The following MYT1 variants were observed in gnomAD, a reference collection of about 807,000 sequenced individuals.
MYT1 encodes the protein myelin transcription factor 1, also known as myelin transcription factor I.
Under a neutral mutation model 123.0 loss-of-function variants are expected in MYT1, and 23 were observed. The observed-to-expected ratio is 0.19, with a 90% CI of 0.13 to 0.26. The LOEUF is 0.26. Ranked by LOEUF, MYT1 falls within the 10% of genes least tolerant of loss-of-function variation. The pLI is 1.00. For synonymous variants in MYT1, 518 were observed against 575.3 expected, an observed-to-expected ratio of 0.90 and a Z score of 1.43; for missense variants, 1,125 against 1,472.5, an observed-to-expected ratio of 0.76 and a Z score of 3.86.
At position 64,218,342 on chromosome 20, in the gene MYT1, G is replaced by C. The variant is rs1983900860; in HGVS notation, c.1847-569G>C. 6.6e-6 allele frequency among the ~76,000 whole-genome samples: 1 copy of C among 152,214 alleles called. No individual in the cohort carries two copies. The highest frequency in any genetic ancestry group is 1.5e-5 in the Non-Finnish European group (1 of 68,040). ...CAATTGCTAGAAAAGATAACATTCT[G>C]TGCCTTCATTTGTCATGTTCATTTG... On this transcript the variant is annotated intron_variant, in intron 11 of 22. Transcript: ENST00000328439. This position sits in a 1 kb window ranked among gnomAD's most constrained non-coding sequence, Gnocchi z 4.0.
chr20:64,235,821 CACTGGGCTGGCT>C (rs1174461545), intron 19 of MYT1, among the ~76,000 whole-genome samples: 6,191 of 120,174 alleles, frequency 0.052, 1,023 homozygotes, highest in African/African-American at 0.12. Context: ...TGGTGGGTGA[CACTGGGCTGGCT>C]GTGGTGGGTG....
In MYT1 at chr20:64,164,510, G is replaced by A. The variant is rs935123830; in HGVS notation, c.-328G>A. ...CGTGCCACCGCTGCTAATGAGAGCA[G>A]TCATTAAGTAAATGAGACGTCGCCT... On this transcript the variant is annotated 5_prime_UTR_variant, in exon 1 of 23. Transcript: ENST00000328439. The A allele has an allele frequency of 2.0e-5, 3 of 152,202 alleles. No homozygotes were observed. The highest frequency in any genetic ancestry group is 4.4e-5 in the Non-Finnish European group (3 of 68,046). The allele number at this position is 152,202 out of a possible 1,614,324, so 9.4% of individuals were successfully genotyped here. A position where few individuals can be genotyped will look rare whatever the true frequency, so the allele number is the denominator to read the frequency against.
intron 1 of MYT1, among the ~76,000 whole-genome samples, chr20:64,178,944 A>G (rs80178291): frequency 1.8e-4 from 19 of 107,976 alleles, no homozygotes; most frequent in East Asian, 3.4e-4. Flanking sequence ...TCAGTGGGAT[A>G]CCCTTCAACG....
chr20:64,218,784 C>T lies in MYT1; in HGVS notation c.1847-127C>T. ...CCCACTGACTTGTCTGCATTGCTGC[C>T]TCTTTTCAAGTTGTATATCAGCCTG... On this transcript the variant is annotated intron_variant, in intron 11 of 22. Transcript: ENST00000328439. This position sits in a 1 kb window ranked among gnomAD's most constrained non-coding sequence, Gnocchi z 4.0. The T allele has an allele frequency of 7.7e-7, 1 of 1,302,060 alleles. No individual in the cohort carries two copies. Among genetic ancestry groups the T allele is most frequent in the Non-Finnish European group, 1.1e-6 (1 of 912,690 alleles). The allele number at this position is 1,302,060 out of a possible 1,614,324, so 80.7% of individuals were successfully genotyped here.
rs923463464 is a variant in MYT1 at position 64,185,941 on chromosome 20, T to C, written c.-98-4122T>C. Among the ~76,000 whole-genome samples the C allele has an allele frequency of 5.3e-5, 8 of 152,154 alleles. No homozygotes were observed. Among genetic ancestry groups the C allele is most frequent in the African/African-American group, 1.9e-4 (8 of 41,428 alleles). ...CAGTGGAAGCGTCCTGTCTGGGGCC[T>C]GGGTCAGGCTGGTCTCCAGTTTGCA... On this transcript the variant is annotated intron_variant, in intron 1 of 22. Coordinates refer to ENST00000328439, the MANE Select transcript of MYT1 (RefSeq NM_004535.3). This position sits in a 1 kb window ranked among gnomAD's most constrained non-coding sequence, Gnocchi z 4.5.
Position 64,203,230 on chromosome 20 carries a change from C to T in MYT1, c.87-1805C>T, listed in dbSNP as rs957326738. Among the ~76,000 whole-genome samples the T allele has an allele frequency of 6.6e-5, 10 of 152,334 alleles. 1 individual carries two copies. The highest frequency in any genetic ancestry group is 6.5e-4 in the Admixed American group (10 of 15,302). On this transcript the variant is annotated intron_variant, in intron 4 of 22. Transcript: ENST00000328439. The surrounding 1 kb of genome is among the most constrained non-coding windows in gnomAD (Gnocchi z 5.1). ...CTGAGGGTGACGTGTTCAGGGCAGT[C>T]CGGTCCCCACAGGCCTCCACAGCAG...
Position 64,231,043 on chromosome 20 carries a change from C to T in MYT1, c.2676-1121C>T, listed in dbSNP as rs1036651523. Among the ~76,000 whole-genome samples the T allele has an allele frequency of 6.6e-6, 1 of 152,112 alleles. No homozygotes were observed. Among genetic ancestry groups the T allele is most frequent in the East Asian group, 1.9e-4 (1 of 5,160 alleles). ...TACGGCGGGAGCCTCTGCCCCCGCC[C>T]CCGCCCCCTGCTACCGTCCTCCCGA... On this transcript the variant is annotated intron_variant, in intron 18 of 22. Transcript: ENST00000328439. This position sits in a 1 kb window ranked among gnomAD's most constrained non-coding sequence, Gnocchi z 6.4.
At chr20:64,237,843 A>G (rs1460905298) in intron 21 of MYT1, among the ~76,000 whole-genome samples, 1 of 152,148 alleles carries the variant, frequency 6.6e-6, no homozygotes, top group East Asian at 1.9e-4. Flanking sequence ...CAGCACAGCC[A>G]CATGTTTGTC....
At chr20:64,187,181 C>A (rs1201287054) in intron 1 of MYT1, among the ~76,000 whole-genome samples, 3 of 147,488 alleles carry the variant, frequency 2.0e-5, no homozygotes, top group African/African-American at 7.6e-5. Context: ...ATGGCCCCGG[C>A]ATCCACGTTT....
intron 1 of MYT1, among the ~76,000 whole-genome samples, chr20:64,177,660 A>ATGAGGGCACCCCTCTCCGGGGGCG (rs1982508276): frequency 1.5e-5 from 2 of 132,038 alleles, no homozygotes; most frequent in Admixed American, 8.4e-5. Context: ...TCTCCAGGGC[A>ATGAGGGCACCCCTCTCCGGGGGCG]GGGACAAGAG....
At chr20:64,227,598 C>A in intron 17 of MYT1, 121 bp downstream of exon 17, 1 of 970,772 alleles carries the variant, frequency 1.0e-6, no homozygotes, top group Non-Finnish European at 1.5e-6. Flanking sequence ...TCTCTTTAAT[C>A]TGAATTGTTG....
intron 1 of MYT1, among the ~76,000 whole-genome samples, chr20:64,178,986 C>G (rs1471833337): frequency 2.1e-5 from 3 of 144,364 alleles, no homozygotes; most frequent in Admixed American, 2.1e-4. Context: ...CGGTGAGATA[C>G]CCTTCAACGT....
At chr20:64,225,348 G>T (rs2009307) in intron 16 of MYT1, among the ~76,000 whole-genome samples, 2 of 152,026 alleles carry the variant, frequency 1.3e-5, no homozygotes, top group Admixed American at 6.5e-5. Flanking sequence ...TTCCCTGTCC[G>T]CACCTGGCTG....
At position 64,240,217 on chromosome 20, in the gene MYT1, T is replaced by A. The variant is rs542415287; in HGVS notation, c.3238-103T>A. Reference sequence around the variant, plus strand: ...GCTGCCTCTGGTTGGTGTGGGCTTGTCTCAGGTCACGTGGGGACATAGGTT... The same window carrying A: ...GCTGCCTCTGGTTGGTGTGGGCTTGACTCAGGTCACGTGGGGACATAGGTT... On this transcript the variant is annotated intron_variant, in intron 22 of 22. Coordinates refer to ENST00000328439, the MANE Select transcript of MYT1 (RefSeq NM_004535.3). 221 of 1,514,060 alleles carry A rather than the reference T, an allele frequency of 1.5e-4. No individual in the cohort carries two copies. The East Asian group carries it at 1.8e-3, about 12-fold the overall frequency. The allele number at this position is 1,514,060 out of a possible 1,614,324, so 93.8% of individuals were successfully genotyped here.
chr20:64,208,081 GGAGGAAGAGGAA>G lies in MYT1; in HGVS notation c.897_908del (p.Glu303_Glu306del), dbSNP rs537698482. 1.2e-6 allele frequency: 2 copies of G among 1,605,764 alleles called. No homozygotes were observed. The highest frequency in any genetic ancestry group is 1.7e-6 in the Non-Finnish European group (2 of 1,175,910). On this transcript the variant is annotated inframe_deletion, in exon 7 of 23. Coordinates refer to ENST00000328439, the MANE Select transcript of MYT1 (RefSeq NM_004535.3). This position sits in a 1 kb window ranked among gnomAD's most constrained non-coding sequence, Gnocchi z 5.4. ...AGGAGGAGGAGGAAGAGGAAGAGGA[GGAGGAAGAGGAA>G]GAGGAAGAGGAGGAGGAGGAGGCAG... is the stretch of plus-strand genomic sequence containing the variant.
chr20:64,170,919 A>AC (rs1982255060), intron 1 of MYT1, among the ~76,000 whole-genome samples: 4 of 136,624 alleles, frequency 2.9e-5, no homozygotes, highest in African/African-American at 5.6e-5. Flanking sequence ...AGAGAGAGAG[A>AC]GAGAGAGAGA....
At chr20:64,224,117 A>C (rs1033756633) in intron 16 of MYT1, among the ~76,000 whole-genome samples, 7 of 152,076 alleles carry the variant, frequency 4.6e-5, no homozygotes, top group African/African-American at 1.7e-4. Context: ...GTGACTCCTC[A>C]GCCTGTGTGA....
At position 64,170,820 on chromosome 20, in the gene MYT1, T is replaced by G. The variant is rs556788026; in HGVS notation, c.-99+6081T>G. ...GGTTGGCTGTGAGGCATTCATTCTCTCCCCATGACACAGATAGACAAATTG... is the reference window on the plus strand; with the variant it reads ...GGTTGGCTGTGAGGCATTCATTCTCGCCCCATGACACAGATAGACAAATTG... On this transcript the variant is annotated intron_variant, in intron 1 of 22. Coordinates refer to ENST00000328439, the MANE Select transcript of MYT1 (RefSeq NM_004535.3). Among the ~76,000 whole-genome samples the G allele has an allele frequency of 9.8e-4, 127 of 129,914 alleles. 1 individual carries two copies. The highest frequency in any genetic ancestry group is 3.7e-3 in the African/African-American group (126 of 34,128). The allele number at this position is 129,914 out of a possible 152,430, so 85.2% of individuals were successfully genotyped here. A position where few individuals can be genotyped will look rare whatever the true frequency, so the allele number is the denominator to read the frequency against.
At position 64,212,175 on chromosome 20, in the gene MYT1, GTGGGGGCCGTGGTGGGGGCC is replaced by G; in HGVS notation, c.1517+38_1517+57del. 1 of 1,092,752 alleles carries G rather than the reference GTGGGGGCCGTGGTGGGGGCC, an allele frequency of 9.2e-7. No individual in the cohort carries two copies. Among genetic ancestry groups the G allele is most frequent in the Non-Finnish European group, 1.3e-6 (1 of 797,196 alleles). 67.7% of individuals were successfully genotyped at this position (1,092,752 alleles called of 1,614,324 possible). ...GAGCTGGGCCGTAGTGGGGGCCAGG[GTGGGGGCCGTGGTGGGGGCC>G]AGGGTGGGGGCCGTGGTGGGGGCCA... On this transcript the variant is annotated intron_variant, in intron 9 of 22. Coordinates refer to ENST00000328439, the MANE Select transcript of MYT1 (RefSeq NM_004535.3). The surrounding 1 kb of genome is among the most constrained non-coding windows in gnomAD (Gnocchi z 6.8).
Sources: allele counts gnomAD v4.1 joint callset (sites outside exome capture counted in the v4.1 genomes callset), GRCh38; gene constraint gnomAD v4.1.1; non-coding constraint Gnocchi (gnomAD v3.1); transcripts MANE v1.5; gene names NCBI Gene and HGNC (gene_info 2026-07-23, HGNC 2026-07-21).